Variants in ANO3 observed in about 807,000 individuals in gnomAD.
ANO3 encodes the protein anoctamin-3.
In ANO3, 99 loss-of-function variants were observed where a neutral mutation model predicts 144.8. The ratio of observed to expected loss-of-function variants is 0.68; its 90% CI spans 0.58 to 0.81. The LOEUF is 0.81. Ranked by LOEUF, ANO3 falls within the 30% of genes least tolerant of loss-of-function variation. The pLI is 0.00. For synonymous variants in ANO3, 414 were observed against 392.6 expected, an observed-to-expected ratio of 1.05 and a Z score of -0.64; for missense variants, 905 against 1,202.2, an observed-to-expected ratio of 0.75 and a Z score of 3.66.
chr11:26,359,902 A>C (rs201177151), intron 1 of ANO3, among the ~76,000 whole-genome samples: 2 of 87,040 alleles, frequency 2.3e-5, no homozygotes, highest in South Asian at 4.8e-4. Context: ...TGTGTGTGTA[A>C]ATTTTTATTT....
chr11:26,576,223 C>T lies in ANO3; in HGVS notation c.1447+16444C>T, dbSNP rs560470069. 7.2e-5 allele frequency among the ~76,000 whole-genome samples: 11 copies of T among 152,254 alleles called. No individual in the cohort carries two copies. The South Asian group carries it at 2.1e-3, about 29-fold the overall frequency. ...TGGTTTCATAACCTTGGATAATTGC[C>T]ATCACGTTTCCAAGAATATTTTCTC... On this transcript the variant is annotated intron_variant, in intron 14 of 26. Transcript: ENST00000256737.
intron 1 of ANO3, among the ~76,000 whole-genome samples, chr11:26,278,329 G>T (rs1404360833): frequency 2.6e-5 from 4 of 152,130 alleles, no homozygotes; most frequent in Admixed American, 2.6e-4. Context: ...GAATGGGACT[G>T]CTACTTGCTA....
At chr11:26,400,369 CA>C (rs2133973486) in intron 1 of ANO3, among the ~76,000 whole-genome samples, 1 of 152,010 alleles carries the variant, frequency 6.6e-6, no homozygotes, top group African/African-American at 2.4e-5. Flanking sequence ...GTATACCATA[CA>C]AAAGGAAGTG....
At chr11:26,627,303 C>T (rs537510024) in intron 18 of ANO3, among the ~76,000 whole-genome samples, 1 of 151,666 alleles carries the variant, frequency 6.6e-6, no homozygotes, top group South Asian at 2.1e-4. Context: ...CTTCTTCTCC[C>T]CTCCTTCTCC....
At chr11:26,586,997 C>T (rs551714720) in intron 14 of ANO3, among the ~76,000 whole-genome samples, 14 of 152,220 alleles carry the variant, frequency 9.2e-5, no homozygotes, top group African/African-American at 3.4e-4. Flanking sequence ...TTCCCATGTC[C>T]ATTACTCAGT....
chr11:26,447,106 C>G (rs1297971329), intron 3 of ANO3, among the ~76,000 whole-genome samples: 1 of 147,018 alleles, frequency 6.8e-6, no homozygotes, highest in Non-Finnish European at 1.5e-5. Flanking sequence ...ACGCAGGAGG[C>G]TGAGATGGGA....
chr11:26,474,611 A>G (rs1859894546), intron 4 of ANO3, among the ~76,000 whole-genome samples: 1 of 151,928 alleles, frequency 6.6e-6, no homozygotes, highest in Admixed American at 6.6e-5. Context: ...GAAGTTCACT[A>G]TGATGTAAGC....
At chr11:26,508,057 C>G (rs1159384552) in intron 4 of ANO3, 47 bp from the exon 5 acceptor site, 1 of 1,524,858 alleles carries the variant, frequency 6.6e-7, no homozygotes. Flanking sequence ...CTAAAACATA[C>G]ATGCTTGTCT....
chr11:26,314,568 C>T (rs1328864184), intron 1 of ANO3, among the ~76,000 whole-genome samples: 1 of 152,032 alleles, frequency 6.6e-6, no homozygotes, highest in Non-Finnish European at 1.5e-5. Context: ...GTGAGAAAGG[C>T]AAGTCAGCCA....
At chr11:26,470,248 G>GA (rs949858994) in intron 4 of ANO3, among the ~76,000 whole-genome samples, 2 of 151,626 alleles carry the variant, frequency 1.3e-5, no homozygotes, top group South Asian at 2.1e-4. Flanking sequence ...TGTTTCTACA[G>GA]AAAAAATACA....
chr11:26,581,090 A>G (rs1322517141), intron 14 of ANO3, among the ~76,000 whole-genome samples: 1 of 152,224 alleles, frequency 6.6e-6, no homozygotes, highest in Non-Finnish European at 1.5e-5. Flanking sequence ...TAAACCATGG[A>G]AGAAATTCAG....
intron 4 of ANO3, among the ~76,000 whole-genome samples, chr11:26,476,205 G>A (rs1387087243): frequency 1.3e-5 from 2 of 152,080 alleles, no homozygotes; most frequent in African/African-American, 4.8e-5. Context: ...CCCTAAGTGT[G>A]CAAAGCTTGT....
intron 1 of ANO3, among the ~76,000 whole-genome samples, chr11:26,258,891 A>G (rs1438937730): frequency 6.6e-6 from 1 of 152,236 alleles, no homozygotes; most frequent in African/African-American, 2.4e-5. Flanking sequence ...ATAGGTAGAC[A>G]CATCTTTCAT....
intron 1 of ANO3, chr11:26,189,454 T>A: frequency 2.2e-6 from 1 of 453,998 alleles, no homozygotes; most frequent in Non-Finnish European, 2.9e-6. Flanking sequence ...CTGATGCCAA[T>A]TTTAGTTTCT....
chr11:26,299,883 G>A (rs1451324654), intron 1 of ANO3, among the ~76,000 whole-genome samples: 1 of 152,110 alleles, frequency 6.6e-6, no homozygotes, highest in African/African-American at 2.4e-5. Context: ...AGCTGTGGAA[G>A]TTTTCTTCAC....
At chr11:26,199,758 C>G (rs1484042363) in intron 1 of ANO3, among the ~76,000 whole-genome samples, 2 of 152,172 alleles carry the variant, frequency 1.3e-5, no homozygotes, top group Admixed American at 1.3e-4. Flanking sequence ...TAAGGCCTAC[C>G]TTGGCAGTTG....
chr11:26,332,150 C>T lies in ANO3; in HGVS notation c.-126C>T, dbSNP rs1590267016. Reference sequence around the variant, plus strand: ...AGCCTGGAGAGCGAAGTGCCGGCTACAGCAGGTGTCGGATTGCAGTGCGCT... The same window carrying T: ...AGCCTGGAGAGCGAAGTGCCGGCTATAGCAGGTGTCGGATTGCAGTGCGCT... On this transcript the variant is annotated 5_prime_UTR_variant, in exon 1 of 27. Coordinates refer to ENST00000256737, the MANE Select transcript of ANO3 (RefSeq NM_031418.4). 3 of 1,569,244 alleles carry T rather than the reference C, an allele frequency of 1.9e-6. No individual in the cohort carries two copies. The highest frequency in any genetic ancestry group is 4.5e-5 in the East Asian group (2 of 43,960).
intron 14 of ANO3, among the ~76,000 whole-genome samples, chr11:26,568,321 G>T (rs1850677638): frequency 6.6e-6 from 1 of 151,936 alleles, no homozygotes; most frequent in Admixed American, 6.6e-5. Flanking sequence ...ATGTGTCCAA[G>T]GACACACAGC....
chr11:26,373,735 C>T (rs1022634927), intron 1 of ANO3, among the ~76,000 whole-genome samples: 3 of 152,068 alleles, frequency 2.0e-5, no homozygotes, highest in African/African-American at 7.2e-5. Flanking sequence ...GACACAAACA[C>T]GTTGGCATGC....
Sources: allele counts gnomAD v4.1 joint callset (sites outside exome capture counted in the v4.1 genomes callset), GRCh38; gene constraint gnomAD v4.1.1; transcripts MANE v1.5; gene names NCBI Gene and HGNC (gene_info 2026-07-23, HGNC 2026-07-21).